ANKRD6: variants seen among roughly 807,000 people sequenced by gnomAD.
ANKRD6 encodes ankyrin repeat domain-containing protein 6.
ANKRD6 carries 56 observed loss-of-function variants against 82.3 expected under a neutral mutation model. The ratio of observed to expected loss-of-function variants is 0.68; its 90% CI spans 0.55 to 0.85. The LOEUF (loss-of-function observed/expected upper bound fraction) is 0.85. Among genes scored for constraint, ANKRD6 ranks in the 40% least tolerant of loss-of-function variants. The pLI, the probability that ANKRD6 is intolerant of heterozygous loss-of-function variation, is 0.00. For missense variants in ANKRD6, 852 were observed against 907.6 expected, an observed-to-expected ratio of 0.94 and a Z score of 0.79; for synonymous variants, 347 against 352.1, an observed-to-expected ratio of 0.99 and a Z score of 0.16.
At chr6:89,475,545 AAT>A (rs1775946128) in intron 1 of ANKRD6, among the ~76,000 whole-genome samples, 1 of 152,216 alleles carries the variant, frequency 6.6e-6, no homozygotes, top group Non-Finnish European at 1.5e-5. Context: ...CATCAAAGAA[AAT>A]AGAAAAACTG....
chr6:89,457,650 TGGC>T (rs1262899547), intron 1 of ANKRD6, among the ~76,000 whole-genome samples: 1 of 152,222 alleles, frequency 6.6e-6, no homozygotes, highest in East Asian at 1.9e-4. Context: ...TTAAACCAAA[TGGC>T]GGATCATGAA....
At chr6:89,481,037 A>G (rs1274120199) in intron 1 of ANKRD6, among the ~76,000 whole-genome samples, 1 of 152,042 alleles carries the variant, frequency 6.6e-6, no homozygotes, top group Admixed American at 6.6e-5. Flanking sequence ...GTATCCCATA[A>G]TCCTACCCCA....
At chr6:89,492,910 T>C (rs897832792) in intron 1 of ANKRD6, among the ~76,000 whole-genome samples, 1 of 152,230 alleles carries the variant, frequency 6.6e-6, no homozygotes, top group Admixed American at 6.5e-5. Flanking sequence ...TTCAGCTGTC[T>C]TCCTAAGCTG....
At chr6:89,629,320 C>T (rs533231196) in intron 15 of ANKRD6, 82 bp downstream of exon 15, 198 of 1,574,020 alleles carry the variant, frequency 1.3e-4, no homozygotes, top group Middle Eastern at 6.7e-4. Flanking sequence ...AAAGGCAGTA[C>T]GTATGCTAGG....
chr6:89,493,875 C>T (rs1778307202), intron 1 of ANKRD6, among the ~76,000 whole-genome samples: 1 of 152,180 alleles, frequency 6.6e-6, no homozygotes, highest in Non-Finnish European at 1.5e-5. Flanking sequence ...TGACAGGTTT[C>T]AGGCATTAGG....
chr6:89,440,092 T>A (rs1010894184), intron 1 of ANKRD6, among the ~76,000 whole-genome samples: 17 of 152,236 alleles, frequency 1.1e-4, no homozygotes, highest in African/African-American at 4.1e-4. Flanking sequence ...TTGTGAGTTC[T>A]CAGCTGGGAG....
chr6:89,601,492 T>C (rs13194467), intron 3 of ANKRD6: 1 of 152,112 alleles, frequency 6.6e-6, no homozygotes, highest in Non-Finnish European at 1.5e-5. Context: ...CTAAAAGTTA[T>C]CCGTGTTAAA....
intron 1 of ANKRD6, among the ~76,000 whole-genome samples, chr6:89,470,329 G>A (rs755253191): frequency 3.3e-5 from 5 of 152,144 alleles, no homozygotes; most frequent in Non-Finnish European, 5.9e-5. Flanking sequence ...AGTCAAAAAT[G>A]ATTAATAGGC....
chr6:89,477,375 A>T (rs866265789), intron 1 of ANKRD6, among the ~76,000 whole-genome samples: 2 of 152,176 alleles, frequency 1.3e-5, no homozygotes, highest in Middle Eastern at 3.4e-3. Flanking sequence ...TTACCTTCAC[A>T]TATTTTTCTC....
intron 1 of ANKRD6, among the ~76,000 whole-genome samples, chr6:89,458,966 G>T (rs1265168166): frequency 6.6e-6 from 1 of 152,212 alleles, no homozygotes; most frequent in Non-Finnish European, 1.5e-5. Context: ...CATGCAAAAG[G>T]GGTGACAGAC....
intron 1 of ANKRD6, among the ~76,000 whole-genome samples, chr6:89,518,978 A>G (rs1254380007): frequency 6.6e-6 from 1 of 152,118 alleles, no homozygotes. Context: ...CTGTGTTCTC[A>G]TGTGGCTTTA....
At chr6:89,574,760 A>C (rs1790728456) in intron 2 of ANKRD6, among the ~76,000 whole-genome samples, 1 of 152,134 alleles carries the variant, frequency 6.6e-6, no homozygotes, top group African/African-American at 2.4e-5. Flanking sequence ...AAGTGTCAAA[A>C]CTGGGACTCA....
chr6:89,616,901 G>A (rs1252586827), intron 8 of ANKRD6: 1 of 637,984 alleles, frequency 1.6e-6, no homozygotes, highest in Non-Finnish European at 2.9e-6. Flanking sequence ...ACACAACCTG[G>A]CATGAAAAAG....
At chr6:89,589,372 A>G (rs904178233) in intron 2 of ANKRD6, among the ~76,000 whole-genome samples, 1 of 152,066 alleles carries the variant, frequency 6.6e-6, no homozygotes, top group African/African-American at 2.4e-5. Flanking sequence ...CCCTCCTAGG[A>G]AGGGTTTTCT....
rs191940948 is a variant in ANKRD6 at position 89,618,301 on chromosome 6, A to C, written c.792+270A>C. ...CTGCCTAGGTCATAGTTTCCCAGCTACTCAGCCAAGGAAGAAGTTCCAGTT... is the reference window on the plus strand; with the variant it reads ...CTGCCTAGGTCATAGTTTCCCAGCTCCTCAGCCAAGGAAGAAGTTCCAGTT... On this transcript the variant is annotated intron_variant, in intron 9 of 15. Transcript: ENST00000339746. The C allele has an allele frequency of 5.8e-5, 37 of 637,262 alleles. No homozygotes were observed. The East Asian group carries it at 1.0e-3, about 17-fold the overall frequency. 39.5% of individuals were successfully genotyped at this position (637,262 alleles called of 1,614,324 possible). A position where few individuals can be genotyped will look rare whatever the true frequency, so the allele number is the denominator to read the frequency against.
chr6:89,534,735 G>A (rs546810727), intron 1 of ANKRD6, among the ~76,000 whole-genome samples: 12 of 152,172 alleles, frequency 7.9e-5, no homozygotes, highest in Non-Finnish European at 1.0e-4. Flanking sequence ...TGGGGATGAG[G>A]GTGAGGGGAG....
intron 1 of ANKRD6, among the ~76,000 whole-genome samples, chr6:89,530,804 T>G (rs1046185210): frequency 3.9e-5 from 6 of 152,188 alleles, no homozygotes; most frequent in Non-Finnish European, 5.9e-5. Flanking sequence ...GTGGAGAGGT[T>G]CCAGTAACAG....
chr6:89,553,029 G>A (rs750119156), intron 1 of ANKRD6, among the ~76,000 whole-genome samples: 55 of 152,154 alleles, frequency 3.6e-4, no homozygotes, highest in Non-Finnish European at 6.2e-4. Flanking sequence ...CATTATCAGC[G>A]GAAAATCACA....
chr6:89,589,990 A>G (rs1794561592), intron 2 of ANKRD6, among the ~76,000 whole-genome samples: 1 of 152,142 alleles, frequency 6.6e-6, no homozygotes, highest in Non-Finnish European at 1.5e-5. Flanking sequence ...AGGAAGCAGC[A>G]CCTTTAAAGG....
Sources: allele counts gnomAD v4.1 joint callset (sites outside exome capture counted in the v4.1 genomes callset), GRCh38; gene constraint gnomAD v4.1.1; transcripts MANE v1.5; gene names NCBI Gene and HGNC (gene_info 2026-07-23, HGNC 2026-07-21).